The following HAVCR1 variants were observed in gnomAD, a reference collection of about 807,000 sequenced individuals.
The protein encoded by HAVCR1 is T cell immunoglobin domain and mucin domain protein 1.
HAVCR1 carries 34 observed loss-of-function variants against 32.0 expected under a neutral mutation model. The ratio of observed to expected loss-of-function variants is 1.06; its 90% confidence interval spans 0.81 to 1.42. The LOEUF (loss-of-function observed/expected upper bound fraction) is 1.42, where lower values mean the gene tolerates loss of function less well. Ranked by LOEUF, HAVCR1 falls within the 40% of genes most tolerant of loss-of-function variation. The pLI is 0.00. For synonymous variants in HAVCR1, 178 were observed against 170.3 expected, an observed-to-expected ratio of 1.05 and a Z score of -0.35; for missense variants, 420 against 442.3, an observed-to-expected ratio of 0.95 and a Z score of 0.45.
intron 7 of HAVCR1, among the ~76,000 whole-genome samples, chr5:157,034,466 G>A (rs1014328018): frequency 1.5e-4 from 22 of 151,344 alleles, no homozygotes; most frequent in Non-Finnish European, 2.6e-4. Flanking sequence ...GTTTTACACC[G>A]AGACATTCCA....
Position 157,035,204 on chromosome 5 carries a change from C to G in HAVCR1, c.952+2043G>C, listed in dbSNP as rs193013688. ...TTTTTTTTTTGGCGTACTCAAGTAT[C>G]AAAATTTCAGAGGGAAAGTTTGAAC... is the stretch of plus-strand genomic sequence containing the variant. On this transcript the variant is annotated intron_variant, in intron 7 of 8. Coordinates refer to ENST00000523175, the MANE Select transcript of HAVCR1 (RefSeq NM_001173393.3). Among the ~76,000 whole-genome samples the G allele has an allele frequency of 4.1e-4, 63 of 152,000 alleles. 1 individual carries two copies. The East Asian group carries it at 9.5e-3, about 23-fold the overall frequency.
chr5:157,058,207 T>G (rs1561607104), intron 1 of HAVCR1: 6 of 422,148 alleles, frequency 1.4e-5, no homozygotes, highest in African/African-American at 6.0e-5. Context: ...TCCCAGCTTC[T>G]TCCCCACACA....
At chr5:157,047,731 A>C (rs1036359869) in intron 5 of HAVCR1, among the ~76,000 whole-genome samples, 1 of 152,166 alleles carries the variant, frequency 6.6e-6, no homozygotes, top group Non-Finnish European at 1.5e-5. Context: ...TCTGGTAAAC[A>C]TAAGTGTTTC....
the HAVCR1 span, among the ~76,000 whole-genome samples, chr5:157,065,996 C>G: frequency 2.1e-5 from 3 of 146,208 alleles, no homozygotes; most frequent in Admixed American, 7.0e-5. Flanking sequence ...GCGGAGCTTG[C>G]AGTGAGCCGA....
Position 157,055,407 on chromosome 5 carries a change from T to C in HAVCR1, c.173A>G (p.Gln58Arg), listed in dbSNP as rs1324375875. 6.2e-7 allele frequency: 1 copy of C among 1,613,550 alleles called. No individual in the cohort carries two copies. The stretch of plus-strand genomic sequence containing the variant: ...TCCATTGGTCCAGACAATGCCATTT[T>C]GGCATGTGAATAGAGAACATGAGCC... ...NRGSCSLFTCQNGIVWTNGTH... is the reference protein window; with the variant it reads ...NRGSCSLFTCRNGIVWTNGTH... The change falls in exon 3 of 9, where the codon CAA becomes CGA. Residue 58 changes from glutamine to arginine, a missense_variant. By Grantham distance (43) the Gln-to-Arg change is conservative (BLOSUM62 1). Coordinates refer to ENST00000523175, the MANE Select transcript of HAVCR1 (RefSeq NM_001173393.3).
chr5:157,036,791 CCT>C (rs1309333594), intron 7 of HAVCR1, among the ~76,000 whole-genome samples: 2 of 149,850 alleles, frequency 1.3e-5, no homozygotes, highest in Non-Finnish European at 3.0e-5. Flanking sequence ...CCTGCCTCAG[CCT>C]CCCAAAGTGC....
upstream of HAVCR1, among the ~76,000 whole-genome samples, chr5:157,059,291 A>G (rs1437896235): frequency 6.6e-6 from 1 of 152,204 alleles, no homozygotes; most frequent in Non-Finnish European, 1.5e-5. Context: ...ACTTCCAAGG[A>G]GGCAGTGGTG....
At chr5:157,052,010 G>C (rs1755766881) in intron 4 of HAVCR1, among the ~76,000 whole-genome samples, 1 of 152,176 alleles carries the variant, frequency 6.6e-6, no homozygotes. Flanking sequence ...ATCTGACCTT[G>C]GTTCTCTGGC....
At chr5:157,048,785 G>T (rs1031621228) in intron 5 of HAVCR1, among the ~76,000 whole-genome samples, 1 of 151,978 alleles carries the variant, frequency 6.6e-6, no homozygotes, top group African/African-American at 2.4e-5. Flanking sequence ...AGCCGAGATC[G>T]TGCCACTGCA....
At chr5:157,066,097 C>T in the HAVCR1 span, among the ~76,000 whole-genome samples, 2 of 139,828 alleles carry the variant, frequency 1.4e-5, no homozygotes, top group Non-Finnish European at 3.1e-5. Flanking sequence ...GAAGAGGCAC[C>T]AATACAGAAA....
At chr5:157,058,165 G>A in intron 1 of HAVCR1, 1 of 522,578 alleles carries the variant, frequency 1.9e-6, no homozygotes, top group South Asian at 2.5e-5. Context: ...CCAAAGGACA[G>A]GGAAAGCTGT....
At chr5:157,042,100 A>G (rs901319638) in intron 6 of HAVCR1, among the ~76,000 whole-genome samples, 9 of 151,996 alleles carry the variant, frequency 5.9e-5, no homozygotes, top group African/African-American at 2.2e-4. Context: ...TTCTCCCAAC[A>G]GAAAGTCTGT....
rs760699658 is a variant in HAVCR1, at chr5:157,032,877, G to A, written c.963C>T (p.Phe321=). 7.0e-6 allele frequency: 11 copies of A among 1,573,864 alleles called. No homozygotes were observed. Among genetic ancestry groups the A allele is most frequent in the Non-Finnish European group, 8.7e-6 (10 of 1,148,412 alleles). The change falls in exon 8 of 9, where the codon TTC becomes TTT. Residue 321 remains phenylalanine (F), a synonymous_variant. Coordinates refer to ENST00000523175, the MANE Select transcript of HAVCR1 (RefSeq NM_001173393.3). ...ACCTTAGTTGTTGAACCTCCTTTTT[G>A]AAGAAATACTCTAAATTGAAGGGGT... is the stretch of plus-strand genomic sequence containing the variant. ...LGVIIAKKYF[F]KKEVQQLSVS... is the part of the protein sequence containing the mutation.
At chr5:157,042,366 C>T (rs575446756) in intron 6 of HAVCR1, among the ~76,000 whole-genome samples, 1 of 150,482 alleles carries the variant, frequency 6.6e-6, no homozygotes, top group South Asian at 2.1e-4. Context: ...GGCCTGAACC[C>T]GGGAAGCGGA....
intron 7 of HAVCR1, among the ~76,000 whole-genome samples, chr5:157,036,786 C>A (rs1754558195): frequency 6.6e-6 from 1 of 152,150 alleles, no homozygotes; most frequent in Non-Finnish European, 1.5e-5. Context: ...ATCCTCCTGC[C>A]TCAGCCTCCC....
At chr5:157,061,839 G>A (rs1025588372), upstream of HAVCR1, among the ~76,000 whole-genome samples, 7 of 152,184 alleles carry the variant, frequency 4.6e-5, no homozygotes, top group Non-Finnish European at 7.3e-5. Context: ...AAGAATGGGT[G>A]GAGGGTGTTT....
At chr5:157,063,865 C>T (rs537813093), upstream of HAVCR1, among the ~76,000 whole-genome samples, 6 of 152,306 alleles carry the variant, frequency 3.9e-5, no homozygotes, top group African/African-American at 1.4e-4. Flanking sequence ...ACAGCAAACG[C>T]TTTCCATGGA....
intron 6 of HAVCR1, among the ~76,000 whole-genome samples, chr5:157,039,631 G>T (rs1347421200): frequency 1.3e-5 from 2 of 152,202 alleles, no homozygotes; most frequent in Non-Finnish European, 2.9e-5. Context: ...TTACAGGCGT[G>T]AGCCAGCGTG....
Position 157,038,877 on chromosome 5 carries a change from C to T in HAVCR1, c.838-1516G>A, listed in dbSNP as rs181412144. On this transcript the variant is annotated intron_variant, in intron 6 of 8. Transcript: ENST00000523175. The stretch of plus-strand genomic sequence containing the variant: ...ACGGACAGTGGCTCACACCCATAAT[C>T]CTAGCACTTTGGGAGGCTAAGGCAG... Among the ~76,000 whole-genome samples the T allele has an allele frequency of 2.3e-3, 350 of 152,316 alleles. 1 individual carries two copies. Among genetic ancestry groups the T allele is most frequent in the African/African-American group, 7.1e-3 (296 of 41,560 alleles).
Sources: gnomAD v4.1 joint callset for allele counts (sites outside exome capture counted in the v4.1 genomes callset) on GRCh38, gnomAD v4.1.1 for gene constraint, MANE v1.5 for transcripts, NCBI Gene and HGNC (gene_info 2026-07-23, HGNC 2026-07-21) for gene names.